The following ACTA2 variants were observed in gnomAD, a reference collection of about 807,000 sequenced individuals.
The protein encoded by ACTA2 is actin alpha 2, smooth muscle, also known as actin, aortic smooth muscle.
A neutral mutation model predicts 39.5 loss-of-function variants in ACTA2; 12 were observed. That is an observed-to-expected ratio of 0.30 (90% CI 0.19 to 0.49). The LOEUF (loss-of-function observed/expected upper bound fraction) is 0.49. ACTA2 is among the 20% of genes least tolerant of loss of function. The pLI is 0.99. For synonymous variants in ACTA2, 158 were observed against 180.6 expected, an observed-to-expected ratio of 0.88 and a Z score of 1.00; for missense variants, 236 against 498.8, an observed-to-expected ratio of 0.47 and a Z score of 5.02.
intron 4 of ACTA2, among the ~76,000 whole-genome samples, chr10:88,942,337 C>T (rs894038213): frequency 2.6e-5 from 4 of 152,132 alleles, no homozygotes; most frequent in African/African-American, 7.2e-5. Flanking sequence ...TTTTGATTTC[C>T]CTGGTATAAA....
rs1379149262 is a variant in ACTA2 at position 88,990,842 on chromosome 10, G to A, written c.-24+97C>T. On this transcript the variant is annotated intron_variant, in intron 1 of 4. Transcript: ENST00000415557. This position sits in a 1 kb window ranked among gnomAD's most constrained non-coding sequence, Gnocchi z 4.9. ...TGGACCCGCTCAGTACGGAGTTGGGGAAGCTCTTTCACTTCGGAGGATTGC... is the reference window on the plus strand; with the variant it reads ...TGGACCCGCTCAGTACGGAGTTGGGAAAGCTCTTTCACTTCGGAGGATTGC... The A allele has an allele frequency of 6.2e-7, 1 of 1,614,230 alleles. No homozygotes were observed. The highest frequency in any genetic ancestry group is 1.1e-5 in the South Asian group (1 of 91,090).
chr10:88,949,055 G>T, intron 1 of ACTA2, 102 bp from the exon 2 acceptor site: 1 of 1,061,934 alleles, frequency 9.4e-7, no homozygotes, highest in Non-Finnish European at 1.4e-6. Flanking sequence ...GCCCTCCTCT[G>T]TGTCCTAGTG....
At chr10:88,955,156 G>A (rs1454346031), upstream of ACTA2, among the ~76,000 whole-genome samples, 1 of 152,102 alleles carries the variant, frequency 6.6e-6, no homozygotes, top group African/African-American at 2.4e-5. Flanking sequence ...ACGTTGTTCT[G>A]CAAACATCAT....
chr10:88,965,065 C>A (rs1232746590), intron 1 of ACTA2, among the ~76,000 whole-genome samples: 3 of 152,128 alleles, frequency 2.0e-5, no homozygotes, highest in East Asian at 3.8e-4. Flanking sequence ...CATGTTTCTG[C>A]CTTATTTTAA....
chr10:88,990,939 C>G lies in ACTA2; in HGVS notation c.-24G>C, dbSNP rs1243910030. The G allele has an allele frequency of 6.2e-7, 1 of 1,614,100 alleles. No homozygotes were observed. The highest frequency in any genetic ancestry group is 8.5e-7 in the Non-Finnish European group (1 of 1,179,966). ...CTCTCCTGCCCGGGTGGAGGCTTAC[C>G]CCGTCTTAGTCCCGGGGATAGGCAA... On this transcript the variant is annotated splice_region_variant and 5_prime_UTR_variant, in exon 1 of 5. Coordinates refer to the ACTA2 transcript ENST00000415557. The surrounding 1 kb of genome is among the most constrained non-coding windows in gnomAD (Gnocchi z 4.9).
intron 1 of ACTA2, among the ~76,000 whole-genome samples, chr10:88,978,431 A>G (rs1257067031): frequency 6.6e-6 from 1 of 152,232 alleles, no homozygotes. Context: ...ATAAAATTTA[A>G]GATAAGCTCT....
intron 1 of ACTA2, among the ~76,000 whole-genome samples, chr10:88,984,246 C>T (rs191334577): frequency 1.3e-5 from 2 of 152,272 alleles, no homozygotes; most frequent in Non-Finnish European, 2.9e-5. Context: ...ATAGTAGGAG[C>T]CAGTGCTGGA....
upstream of ACTA2, among the ~76,000 whole-genome samples, chr10:88,955,744 C>A (rs893802846): frequency 1.3e-5 from 2 of 152,076 alleles, no homozygotes; most frequent in African/African-American, 4.8e-5. Flanking sequence ...GTGAGAAAAA[C>A]CATGCAACAT....
intron 6 of ACTA2, 171 bp downstream of exon 6, chr10:88,941,058 A>T: frequency 1.3e-6 from 1 of 795,596 alleles, no homozygotes; most frequent in Non-Finnish European, 2.1e-6. Flanking sequence ...TAGTGTAATC[A>T]TTTTGCAACT....
At chr10:88,965,067 T>C (rs998438159) in intron 1 of ACTA2, among the ~76,000 whole-genome samples, 1 of 152,194 alleles carries the variant, frequency 6.6e-6, no homozygotes, top group Non-Finnish European at 1.5e-5. Flanking sequence ...TGTTTCTGCC[T>C]TATTTTAAAA....
At chr10:88,980,645 G>A (rs1020658972) in intron 1 of ACTA2, among the ~76,000 whole-genome samples, 2 of 152,194 alleles carry the variant, frequency 1.3e-5, no homozygotes, top group African/African-American at 4.8e-5. Context: ...AAGGAAAATT[G>A]TTGGGATCTT....
At chr10:88,979,410 G>T (rs1456481745) in intron 1 of ACTA2, among the ~76,000 whole-genome samples, 1 of 152,156 alleles carries the variant, frequency 6.6e-6, no homozygotes, top group Non-Finnish European at 1.5e-5. Flanking sequence ...AGGAGAAGAT[G>T]CCAGCATTCA....
chr10:88,972,093 G>A (rs1237027519), intron 1 of ACTA2, among the ~76,000 whole-genome samples: 2 of 152,128 alleles, frequency 1.3e-5, no homozygotes, highest in Non-Finnish European at 1.5e-5. Context: ...ATTTTTAGTA[G>A]AGACAGGGTT....
intron 1 of ACTA2, among the ~76,000 whole-genome samples, chr10:88,982,065 A>G (rs1170394912): frequency 6.6e-6 from 1 of 152,266 alleles, no homozygotes; most frequent in African/African-American, 2.4e-5. Context: ...GGTATGTGTT[A>G]GTTCAAGAAG....
chr10:88,981,669 G>A (rs140984852), intron 1 of ACTA2, among the ~76,000 whole-genome samples: 108 of 152,278 alleles, frequency 7.1e-4, no homozygotes, highest in Non-Finnish European at 1.3e-3. Flanking sequence ...CCTGGGAAGG[G>A]AACACTGTAG....
At chr10:88,939,732 T>G in intron 6 of ACTA2, 34 bp from the exon 7 acceptor site, 1 of 1,612,070 alleles carries the variant, frequency 6.2e-7, no homozygotes, top group Non-Finnish European at 8.5e-7. Context: ...TGGCAAACAT[T>G]AGGGTCTGCA....
intron 1 of ACTA2, among the ~76,000 whole-genome samples, chr10:88,980,320 A>G (rs1251952061): frequency 6.6e-6 from 1 of 152,188 alleles, no homozygotes; most frequent in East Asian, 1.9e-4. Flanking sequence ...CTTTGAAGCT[A>G]GGGGACCTGA....
At chr10:88,977,308 A>C (rs557895694) in intron 1 of ACTA2, among the ~76,000 whole-genome samples, 38 of 151,682 alleles carry the variant, frequency 2.5e-4, no homozygotes, top group African/African-American at 8.0e-4. Context: ...TCTAACATTT[A>C]AGTCTTTAAT....
chr10:88,953,828 C>T (rs779220305), upstream of ACTA2, among the ~76,000 whole-genome samples: 8 of 152,172 alleles, frequency 5.3e-5, no homozygotes, highest in Admixed American at 2.0e-4. Context: ...TCTCTCTCGC[C>T]TGCTGCCATG....
Sources: allele counts gnomAD v4.1 joint callset (sites outside exome capture counted in the v4.1 genomes callset), GRCh38; gene constraint gnomAD v4.1.1; non-coding constraint Gnocchi (gnomAD v3.1); transcripts MANE v1.5; gene names NCBI Gene and HGNC (gene_info 2026-07-23, HGNC 2026-07-21).